Variants in PLCB2 observed in about 807,000 individuals in gnomAD.
PLCB2 encodes 1-phosphatidylinositol 4,5-bisphosphate phosphodiesterase beta-2.
A neutral mutation model predicts 141.7 loss-of-function variants in PLCB2; 115 were observed. The ratio of observed to expected loss-of-function variants is 0.81; its 90% CI spans 0.70 to 0.95. The LOEUF (loss-of-function observed/expected upper bound fraction) is 0.95. Among genes scored for constraint, PLCB2 ranks in the 40% least tolerant of loss-of-function variants. PLCB2 has a pLI of 0.00. For synonymous variants in PLCB2, 603 were observed against 595.6 expected, an observed-to-expected ratio of 1.01 and a Z score of -0.18; for missense variants, 1,403 against 1,541.1, an observed-to-expected ratio of 0.91 and a Z score of 1.50.
intron 1 of PLCB2, among the ~76,000 whole-genome samples, chr15:40,304,396 G>T (rs191656949): frequency 4.5e-4 from 68 of 152,208 alleles, no homozygotes; most frequent in Admixed American, 2.9e-3. Flanking sequence ...CACAGCGAGA[G>T]CCAAGAGCCC....
intron 1 of PLCB2, 67 bp from the exon 2 acceptor site, chr15:40,304,145 G>A: frequency 9.3e-7 from 1 of 1,073,686 alleles, no homozygotes; most frequent in South Asian, 1.3e-5. Flanking sequence ...TCCAGGCCAG[G>A]GGTTTCAGAG....
chr15:40,286,330 G>A (rs561101034), downstream of PLCB2, among the ~76,000 whole-genome samples: 2 of 152,254 alleles, frequency 1.3e-5, no homozygotes, highest in African/African-American at 2.4e-5. Context: ...ATGCCTCAGT[G>A]TGGTCTGCCA....
chr15:40,291,143 C>G lies in PLCB2; in HGVS notation c.2911G>C (p.Glu971Gln). The G allele has an allele frequency of 6.4e-7, 1 of 1,570,802 alleles. No homozygotes were observed. Reference protein sequence around the residue: ...REESAGAAPGEGPEGVDGRVR... With the variant: ...REESAGAAPGQGPEGVDGRVR... Reference sequence around the variant, plus strand: ...CGCCCGTCCACGCCCTCAGGGCCCTCGCCCGGCGCGGCTCCGGCGCTCTCC... The same window carrying G: ...CGCCCGTCCACGCCCTCAGGGCCCTGGCCCGGCGCGGCTCCGGCGCTCTCC... Residue 971 changes from glutamate (E) to glutamine (Q), a missense_variant, in exon 27 of 32, where the codon GAG (glutamate) becomes CAG (glutamine). Around this residue, in one of 4 missense-constraint regions of PLCB2, gnomAD observed 290 missense variants for 245.9 expected, o/e 1.18. Coordinates refer to ENST00000260402, the MANE Select transcript of PLCB2 (RefSeq NM_004573.3).
Position 40,302,596 on chromosome 15 carries a change from C to G in PLCB2, c.245G>C (p.Arg82Pro), listed in dbSNP as rs752587719. Residue 82 changes from arginine (R) to proline (P), a missense_variant, in exon 4 of 32, where the codon CGG (arginine) becomes CCG (proline). This residue lies in a region of PLCB2 where 975 missense variants were observed against 1,141.1 expected (regional missense o/e 0.85). Coordinates refer to ENST00000260402, the MANE Select transcript of PLCB2 (RefSeq NM_004573.3). ...FAKMPKSQKL[R>P]DVFNMDFPDN... ...AGGAAAGTCCATGTTGAAGACGTCC[C>G]GGAGCTTCTGGCTCTGCAGCACGTG... is the stretch of plus-strand genomic sequence containing the variant. 6.2e-7 allele frequency: 1 copy of G among 1,614,136 alleles called. No individual in the cohort carries two copies. Among genetic ancestry groups the G allele is most frequent in the African/African-American group, 1.3e-5 (1 of 75,046 alleles).
At chr15:40,298,495 AC>A (rs2040348748) in intron 10 of PLCB2, 66 bp downstream of exon 10, 2 of 1,604,076 alleles carry the variant, frequency 1.2e-6, no homozygotes, top group African/African-American at 2.7e-5. Flanking sequence ...CATGTGGGCA[AC>A]CCCTGTGGAG....
rs2040303475 is a variant in PLCB2, at chr15:40,297,817, G to C, written c.1238+60C>G. 7.4e-7 allele frequency: 1 copy of C among 1,349,330 alleles called. No individual in the cohort carries two copies. Among genetic ancestry groups the C allele is most frequent in the East Asian group, 2.3e-5 (1 of 43,448 alleles). The allele number at this position is 1,349,330 out of a possible 1,614,324, so 83.6% of individuals were successfully genotyped here. On this transcript the variant is annotated intron_variant, in intron 12 of 31. Transcript: ENST00000260402. This position sits in a 1 kb window ranked among gnomAD's most constrained non-coding sequence, Gnocchi z 4.2. ...GGCTGGGGCAGTTGTGGGGAGGACA[G>C]TTGCAGACAGGAGACTGGGGGCTGG...
In PLCB2 at chr15:40,297,567, G is replaced by T; in HGVS notation, c.1277C>A (p.Thr426Lys). ...QQAKMAEYCR[T>K]IFGDMLLTEP... is the part of the protein sequence containing the mutation. ...TGTGAGCAGCATATCCCCAAAGATCGTCCGGCAATACTCAGCCATCTTAGC... is the reference window on the plus strand; with the variant it reads ...TGTGAGCAGCATATCCCCAAAGATCTTCCGGCAATACTCAGCCATCTTAGC... Residue 426 changes from threonine (T) to lysine (K), a missense_variant, in exon 13 of 32, where the codon ACG (threonine) becomes AAG (lysine). Physicochemically the swap from Thr to Lys is moderately conservative, Grantham distance 78. Transcript: ENST00000260402. This position sits in a 1 kb window ranked among gnomAD's most constrained non-coding sequence, Gnocchi z 4.2. The T allele has an allele frequency of 1.2e-6, 2 of 1,614,148 alleles. No individual in the cohort carries two copies. Among genetic ancestry groups the T allele is most frequent in the Non-Finnish European group, 1.7e-6 (2 of 1,180,018 alleles).
downstream of PLCB2, among the ~76,000 whole-genome samples, chr15:40,287,019 G>C (rs1007974985): frequency 2.0e-5 from 3 of 152,206 alleles, no homozygotes; most frequent in Non-Finnish European, 4.4e-5. Context: ...ATTGGGCTCT[G>C]GCTCTGGCTT....
downstream of PLCB2, among the ~76,000 whole-genome samples, chr15:40,287,540 ACT>A (rs970442686): frequency 7.9e-5 from 12 of 151,634 alleles, no homozygotes; most frequent in Non-Finnish European, 1.3e-4. Context: ...GCATCCAACC[ACT>A]CTGTCTTCCT....
Position 40,295,284 on chromosome 15 carries a change from T to C in PLCB2, c.1698A>G (p.Gln566=), listed in dbSNP as rs766796906. 6.2e-7 allele frequency: 1 copy of C among 1,610,194 alleles called. No homozygotes were observed. The highest frequency in any genetic ancestry group is 1.1e-5 in the South Asian group (1 of 90,996). Reference sequence around the variant, plus strand: ...ACGAGATGACATAACTTCGGTTCTTTTCTATATAGGGGAGAAAGGGAGGGG... The same window carrying C: ...ACGAGATGACATAACTTCGGTTCTTCTCTATATAGGGGAGAAAGGGAGGGG... The part of the protein sequence containing the change: ...TKFVSFEFSA[Q]KNRSYVISSF... Residue 566 remains glutamine, a splice_region_variant and synonymous_variant, in exon 17 of 32, where the codon CAA becomes CAG. Transcript: ENST00000260402.
rs572678304 is a variant in PLCB2, at chr15:40,288,699, C to T, written c.*16G>A. On this transcript the variant is annotated 3_prime_UTR_variant, in exon 32 of 32. Transcript: ENST00000260402. The stretch of plus-strand genomic sequence containing the variant: ...GGCTGAACCTCCTTGCTAAATGTCC[C>T]AGTGGGATGGGGGCATCAGAGGCGG... 1.3e-6 allele frequency: 2 copies of T among 1,564,002 alleles called. No homozygotes were observed. The highest frequency in any genetic ancestry group is 1.2e-5 in the South Asian group (1 of 86,236).
In PLCB2 at chr15:40,288,308, T is replaced by A. The variant is rs954142224; in HGVS notation, c.*407A>T. 1 of 994,354 alleles carries A rather than the reference T, an allele frequency of 1.0e-6. No individual in the cohort carries two copies. The allele number at this position is 994,354 out of a possible 1,614,324, so 61.6% of individuals were successfully genotyped here. ...GCCTGGAAGCCTGGGGCAGGAGGGT[T>A]CGGGGCTAGAGTGGAGGTGAGTGGG... On this transcript the variant is annotated 3_prime_UTR_variant, in exon 32 of 32. Transcript: ENST00000260402.
Position 40,291,896 on chromosome 15 carries a change from G to T in PLCB2, c.2555C>A (p.Ala852Asp). The T allele has an allele frequency of 1.2e-6, 2 of 1,614,140 alleles. No homozygotes were observed. The highest frequency in any genetic ancestry group is 1.7e-6 in the Non-Finnish European group (2 of 1,180,022). Residue 852 changes from alanine (A) to aspartate (D), a missense_variant, in exon 24 of 32, where the codon GCC becomes GAC. Coordinates refer to ENST00000260402, the MANE Select transcript of PLCB2 (RefSeq NM_004573.3). The stretch of plus-strand genomic sequence containing the variant: ...GGCCAACGCCCCATTGACCTGGCTG[G>T]CAACTGGACTCGCCAGTGGGAAGGG... ...EKPFPLASPV[A>D]SQVNGALAPT...
chr15:40,297,604 G>T lies in PLCB2; in HGVS notation c.1240C>A (p.Pro414Thr). 1 of 1,613,526 alleles carries T rather than the reference G, an allele frequency of 6.2e-7. No individual in the cohort carries two copies. Among genetic ancestry groups the T allele is most frequent in the Non-Finnish European group, 8.5e-7 (1 of 1,179,540 alleles). ...TCAGCCATCTTAGCCTGCTGGCGGGGTCTGCGGGGAGCAAAAGCGGGGATG... is the reference window on the plus strand; with the variant it reads ...TCAGCCATCTTAGCCTGCTGGCGGGTTCTGCGGGGAGCAAAAGCGGGGATG... ...ILSFENHVDS[P>T]RQQAKMAEYC... is the part of the protein sequence containing the mutation. Residue 414 changes from proline (P) to threonine (T), a missense_variant and splice_region_variant, in exon 13 of 32, where the codon CCC (proline) becomes ACC (threonine). Transcript: ENST00000260402. The surrounding 1 kb of genome is among the most constrained non-coding windows in gnomAD (Gnocchi z 4.2).
At chr15:40,306,568 C>A (rs2040807341) in intron 1 of PLCB2, among the ~76,000 whole-genome samples, 1 of 152,158 alleles carries the variant, frequency 6.6e-6, no homozygotes, top group Admixed American at 6.5e-5. Context: ...CTACACCAAC[C>A]CCACATCACT....
At chr15:40,295,353 C>A in intron 16 of PLCB2, 68 bp from the exon 17 acceptor site, 1 of 1,102,684 alleles carries the variant, frequency 9.1e-7, no homozygotes, top group Non-Finnish European at 1.4e-6. Context: ...TTGGCCTCCC[C>A]TTTGGGGCAG....
Position 40,291,884 on chromosome 15 carries a change from T to C in PLCB2, c.2567A>G (p.Asn856Ser). 1 of 1,614,200 alleles carries C rather than the reference T, an allele frequency of 6.2e-7. No homozygotes were observed. Among genetic ancestry groups the C allele is most frequent in the Non-Finnish European group, 8.5e-7 (1 of 1,180,012 alleles). Residue 856 changes from asparagine (N) to serine (S), a missense_variant, in exon 24 of 32, where the codon AAT becomes AGT. By Grantham distance (46) the Asn-to-Ser change is conservative (BLOSUM62 1). Coordinates refer to ENST00000260402, the MANE Select transcript of PLCB2 (RefSeq NM_004573.3). Reference sequence around the variant, plus strand: ...ATTGCTCGTTGGGGCCAACGCCCCATTGACCTGGCTGGCAACTGGACTCGC... The same window carrying C: ...ATTGCTCGTTGGGGCCAACGCCCCACTGACCTGGCTGGCAACTGGACTCGC... ...PLASPVASQV[N>S]GALAPTSNGS... is the part of the protein sequence containing the mutation.
At chr15:40,299,591 A>G (rs1333206719) in intron 7 of PLCB2, among the ~76,000 whole-genome samples, 1 of 152,256 alleles carries the variant, frequency 6.6e-6, no homozygotes, top group Non-Finnish European at 1.5e-5. Context: ...CAATTTGAAT[A>G]TAAACATATA....
At position 40,291,929 on chromosome 15, in the gene PLCB2, GTAGGGAGA is replaced by G; in HGVS notation, c.2527-13_2527-6del. 1 of 1,614,094 alleles carries G rather than the reference GTAGGGAGA, an allele frequency of 6.2e-7. No individual in the cohort carries two copies. Among genetic ancestry groups the G allele is most frequent in the Non-Finnish European group, 8.5e-7 (1 of 1,179,968 alleles). On this transcript the variant is annotated splice_region_variant and splice_polypyrimidine_tract_variant and intron_variant, in intron 23 of 31. Transcript: ENST00000260402. ...ACTCGCCAGTGGGAAGGGCTTCTGT[GTAGGGAGA>G]GCAGGTCAGGAAGGTGGCTTGACAG... is the stretch of plus-strand genomic sequence containing the variant.
Sources: gnomAD v4.1 joint callset for allele counts (sites outside exome capture counted in the v4.1 genomes callset) on GRCh38, gnomAD v4.1.1 for gene constraint, gnomAD v4.1.1 regional missense constraint, Gnocchi (gnomAD v3.1) non-coding constraint, MANE v1.5 for transcripts, NCBI Gene and HGNC (gene_info 2026-07-23, HGNC 2026-07-21) for gene names.